The following CHST9 variants were observed in gnomAD, a reference collection of about 807,000 sequenced individuals.
The protein encoded by CHST9 is carbohydrate sulfotransferase 9.
CHST9 carries 41 observed loss-of-function variants against 44.4 expected under a neutral mutation model. That is an observed-to-expected ratio of 0.92 (90% CI 0.72 to 1.20). CHST9 has a LOEUF of 1.20. Ranked by LOEUF, CHST9 falls within the 50% of genes most tolerant of loss-of-function variation. The pLI is 0.00. For synonymous variants in CHST9, 171 were observed against 178.4 expected (o/e 0.96, Z 0.33); for missense variants, 504 against 516.5 (o/e 0.98, Z 0.23).
chr18:27,023,371 A>G (rs748481264), intron 4 of CHST9, among the ~76,000 whole-genome samples: 4 of 152,352 alleles, frequency 2.6e-5, no homozygotes, highest in African/African-American at 9.6e-5. Context: ...TTAGATTAGA[A>G]TAATTAGTTT....
intron 2 of CHST9, among the ~76,000 whole-genome samples, chr18:27,135,205 C>T (rs1368205544): frequency 6.6e-6 from 1 of 151,920 alleles, no homozygotes; most frequent in Non-Finnish European, 1.5e-5. Flanking sequence ...TAACACAAAA[C>T]AAGGGACAAA....
In CHST9 at chr18:26,976,472, C is replaced by T. The variant is rs907938625; in HGVS notation, c.203-32106G>A. 4.6e-5 allele frequency among the ~76,000 whole-genome samples: 7 copies of T among 152,194 alleles called. No individual in the cohort carries two copies. The East Asian group carries it at 1.4e-3, about 29-fold the overall frequency. On this transcript the variant is annotated intron_variant, in intron 4 of 5. Transcript: ENST00000618847. The stretch of plus-strand genomic sequence containing the variant: ...AAGTCAGGTCTCCGGACACTCAGTC[C>T]AGAGTCCTTTCCAGTCCCTGCCTGC...
chr18:26,943,675 G>A (rs1306110502), intron 5 of CHST9, among the ~76,000 whole-genome samples: 1 of 152,204 alleles, frequency 6.6e-6, no homozygotes, highest in Non-Finnish European at 1.5e-5. Flanking sequence ...AAATTAGGTG[G>A]GTGGGGCAAG....
rs200686605 is a variant in CHST9, at chr18:27,054,453, AT to A, written c.122-5951del. On this transcript the variant is annotated intron_variant, in intron 2 of 5. Coordinates refer to ENST00000618847, the MANE Select transcript of CHST9 (RefSeq NM_031422.6). ...TGGACCATAACCTCATAAAAATTGA[AT>A]TTGTAAGATAAAACTTTTTCCTTAT... is the stretch of plus-strand genomic sequence containing the variant. Among the ~76,000 whole-genome samples, 1,254 of 152,266 alleles carry A rather than the reference AT, an allele frequency of 8.2e-3. 16 individuals carry two copies. The highest frequency in any genetic ancestry group is 0.028 in the African/African-American group (1,155 of 41,564).
intron 5 of CHST9, among the ~76,000 whole-genome samples, chr18:26,926,663 A>G (rs1240078989): frequency 6.6e-6 from 1 of 152,232 alleles, no homozygotes. Context: ...GAAGTCAGGA[A>G]TGTAGTCCAG....
At chr18:27,010,924 T>C (rs1287657461) in intron 4 of CHST9, among the ~76,000 whole-genome samples, 1 of 130,662 alleles carries the variant, frequency 7.7e-6, no homozygotes, top group East Asian at 2.6e-4. Context: ...GTGAATACAC[T>C]CAGCAGACCA....
At chr18:27,044,811 T>C (rs927197565) in intron 3 of CHST9, among the ~76,000 whole-genome samples, 1 of 151,654 alleles carries the variant, frequency 6.6e-6, no homozygotes, top group South Asian at 2.1e-4. Context: ...AACATGTTAT[T>C]CATGCACAGA....
intron 1 of CHST9, among the ~76,000 whole-genome samples, chr18:27,182,586 T>C (rs2058921233): frequency 6.6e-6 from 1 of 152,226 alleles, no homozygotes; most frequent in African/African-American, 2.4e-5. Context: ...ATGTATTATG[T>C]AACTTAATTT....
intron 4 of CHST9, among the ~76,000 whole-genome samples, chr18:27,002,375 G>A (rs1187148949): frequency 6.6e-6 from 1 of 152,118 alleles, no homozygotes; most frequent in African/African-American, 2.4e-5. Context: ...GGAAGTAAAT[G>A]CAATATAGAA....
rs147150617 is a variant in CHST9 at position 27,109,939 on chromosome 18, G to C, written c.121+32750C>G. On this transcript the variant is annotated intron_variant, in intron 2 of 5. Transcript: ENST00000618847. ...TCCATTAGCAGGAGGGGAAGCTCTC[G>C]GATGAGCACAGAAATGGGAAAGTCC... Among the ~76,000 whole-genome samples, 624 of 152,172 alleles carry C rather than the reference G, an allele frequency of 4.1e-3. 13 individuals carry two copies. The highest frequency in any genetic ancestry group is 0.01 in the Middle Eastern group (3 of 294).
chr18:27,030,742 G>A (rs777715595), intron 3 of CHST9, among the ~76,000 whole-genome samples: 16 of 152,208 alleles, frequency 1.1e-4, no homozygotes, highest in Non-Finnish European at 2.1e-4. Context: ...ACTAGCTCAA[G>A]AGGCAGCCTC....
chr18:26,952,134 C>A, intron 4 of CHST9: 1 of 487,214 alleles, frequency 2.1e-6, no homozygotes, highest in South Asian at 1.5e-5. Context: ...ATTCTTGTTT[C>A]TTCAAATATC....
At chr18:27,121,859 T>A (rs940201033) in intron 2 of CHST9, among the ~76,000 whole-genome samples, 42 of 152,364 alleles carry the variant, frequency 2.8e-4, no homozygotes, top group African/African-American at 9.9e-4. Flanking sequence ...TTTCTATGCA[T>A]CTATCTATTA....
chr18:27,091,479 T>C (rs1169167247), intron 2 of CHST9, among the ~76,000 whole-genome samples: 1 of 152,150 alleles, frequency 6.6e-6, no homozygotes, highest in African/African-American at 2.4e-5. Context: ...TTTCCAACAC[T>C]ATGTTGAATA....
intron 4 of CHST9, among the ~76,000 whole-genome samples, chr18:26,964,157 T>A (rs1221801419): frequency 6.6e-6 from 1 of 152,220 alleles, no homozygotes; most frequent in Non-Finnish European, 1.5e-5. Context: ...TAATGCTTTA[T>A]AAAAATTGGA....
chr18:27,063,446 G>C (rs1221019081), intron 2 of CHST9, among the ~76,000 whole-genome samples: 1 of 152,156 alleles, frequency 6.6e-6, no homozygotes, highest in Non-Finnish European at 1.5e-5. Context: ...CTTTATAAAT[G>C]ATCATCATCA....
chr18:27,130,258 G>A (rs750619074), intron 2 of CHST9, among the ~76,000 whole-genome samples: 18 of 152,132 alleles, frequency 1.2e-4, no homozygotes, highest in Non-Finnish European at 2.1e-4. Flanking sequence ...GAATTATTTA[G>A]TGAGTGAGGT....
intron 2 of CHST9, among the ~76,000 whole-genome samples, chr18:27,092,425 T>C (rs1281546230): frequency 6.6e-6 from 1 of 151,858 alleles, no homozygotes; most frequent in Non-Finnish European, 1.5e-5. Flanking sequence ...TTTTGAAGAG[T>C]TGTTTGTGTC....
chr18:27,165,208 T>C (rs1452170509), intron 1 of CHST9, among the ~76,000 whole-genome samples: 1 of 152,130 alleles, frequency 6.6e-6, no homozygotes, highest in Non-Finnish European at 1.5e-5. Context: ...ATTTAGACAA[T>C]GATGAAGAGC....
Sources: gnomAD v4.1 joint callset for allele counts (sites outside exome capture counted in the v4.1 genomes callset) on GRCh38, gnomAD v4.1.1 for gene constraint, MANE v1.5 for transcripts, NCBI Gene and HGNC (gene_info 2026-07-23, HGNC 2026-07-21) for gene names.